The following CCDC138 variants were observed in gnomAD, a reference collection of about 807,000 sequenced individuals.
CCDC138 encodes coiled-coil domain containing 138, also known as coiled-coil domain-containing protein 138.
Under a neutral mutation model 82.3 loss-of-function variants are expected in CCDC138, and 66 were observed. The observed-to-expected ratio is 0.80, with a 90% CI of 0.66 to 0.98. The LOEUF (loss-of-function observed/expected upper bound fraction) is 0.98. Among genes scored for constraint, CCDC138 ranks in the 50% least tolerant of loss-of-function variants. CCDC138 has a pLI of 0.00. For synonymous variants in CCDC138, 297 were observed against 265.4 expected (o/e 1.12, Z -1.16); for missense variants, 816 against 758.9 (o/e 1.08, Z -0.88).
intron 4 of CCDC138, 84 bp downstream of exon 4, chr2:108,791,886 T>A (rs1185027355): frequency 2.3e-6 from 3 of 1,332,012 alleles, no homozygotes; most frequent in Non-Finnish European, 2.0e-6. Context: ...GTAATAACAC[T>A]GGCCCCCAAG....
intron 10 of CCDC138, among the ~76,000 whole-genome samples, chr2:108,824,653 G>A (rs1262047371): frequency 2.0e-5 from 3 of 152,076 alleles, no homozygotes; most frequent in African/African-American, 7.2e-5. Flanking sequence ...AAAAAGTATA[G>A]TGTAGCAAAT....
chr2:108,823,979 GAA>G (rs902158794), intron 10 of CCDC138, among the ~76,000 whole-genome samples: 5 of 146,828 alleles, frequency 3.4e-5, no homozygotes, highest in Admixed American at 2.7e-4. Flanking sequence ...TGTCTCAAAA[GAA>G]AAAAAAGGGA....
At chr2:108,864,773 GAC>G (rs1694158125) in intron 13 of CCDC138, among the ~76,000 whole-genome samples, 1 of 139,110 alleles carries the variant, frequency 7.2e-6, no homozygotes, top group African/African-American at 2.6e-5. Flanking sequence ...CAGCCTGGGC[GAC>G]AGAGCGAGAC....
chr2:108,792,996 G>A (rs148871245), intron 4 of CCDC138, among the ~76,000 whole-genome samples: 151 of 151,714 alleles, frequency 1.0e-3, no homozygotes, highest in African/African-American at 3.5e-3. Flanking sequence ...CCCGGGAAGC[G>A]GAGGTTGCAG....
chr2:108,817,700 A>G (rs1685033262), intron 10 of CCDC138, among the ~76,000 whole-genome samples: 1 of 152,202 alleles, frequency 6.6e-6, no homozygotes, highest in Admixed American at 6.5e-5. Flanking sequence ...CAACTTGAAT[A>G]AGCAAGGAAA....
At chr2:108,879,905 A>G (rs547288700), downstream of CCDC138, among the ~76,000 whole-genome samples, 34 of 152,274 alleles carry the variant, frequency 2.2e-4, 1 homozygote, top group Admixed American at 7.2e-4. Context: ...TTTCTAGAGT[A>G]AACAATGTAA....
chr2:108,804,912 C>G lies in CCDC138; in HGVS notation c.759C>G (p.His253Gln). The change falls in exon 7 of 15, where the codon CAC (histidine) becomes CAG (glutamine). Residue 253 changes from histidine (H) to glutamine (Q), a missense_variant. His to Gln is a conservative substitution (Grantham distance 24). Transcript: ENST00000295124. ...IKEQHDAEVEHLTEVLKEKNK... is the reference protein window; with the variant it reads ...IKEQHDAEVEQLTEVLKEKNK... Reference sequence around the variant, plus strand: ...AGCAGCATGATGCAGAAGTTGAACACTTAACCGAAGTTCTTAAGGAAAAGA... The same window carrying G: ...AGCAGCATGATGCAGAAGTTGAACAGTTAACCGAAGTTCTTAAGGAAAAGA... 6.4e-7 allele frequency: 1 copy of G among 1,558,126 alleles called. No homozygotes were observed. Among genetic ancestry groups the G allele is most frequent in the Non-Finnish European group, 8.6e-7 (1 of 1,159,220 alleles).
Position 108,876,216 on chromosome 2 carries a change from C to T in CCDC138, c.1961C>T (p.Thr654Ile). 6.2e-7 allele frequency: 1 copy of T among 1,612,812 alleles called. No homozygotes were observed. The highest frequency in any genetic ancestry group is 1.1e-5 in the South Asian group (1 of 90,866). The stretch of plus-strand genomic sequence containing the variant: ...TCAACTCTGTTCAATCTGGGTTTAA[C>T]AAAATGTAACTCCCTGGTCTCCAGT... ...LNSTLFNLGL[T>I]KCNSLVSSAS... The change falls in exon 15 of 15, where the codon ACA (threonine) becomes ATA (isoleucine). Residue 654 changes from threonine (T) to isoleucine (I), a missense_variant. Physicochemically the swap from Thr to Ile is moderately conservative, Grantham distance 89 (BLOSUM62 -1). Transcript: ENST00000295124.
At chr2:108,811,047 G>GT (rs1349328127) in intron 7 of CCDC138, among the ~76,000 whole-genome samples, 1 of 150,704 alleles carries the variant, frequency 6.6e-6, no homozygotes, top group Non-Finnish European at 1.5e-5. Flanking sequence ...CTCCCTTTTT[G>GT]TTTCCGATTT....
intron 13 of CCDC138, among the ~76,000 whole-genome samples, chr2:108,863,586 T>G (rs750659364): frequency 9.9e-5 from 15 of 152,224 alleles, no homozygotes; most frequent in South Asian, 2.1e-4. Flanking sequence ...CTAGATCTTT[T>G]TCTTTCTATT....
chr2:108,882,483 AT>A (rs1345193692), intron 1 of CCDC138: 5 of 152,188 alleles, frequency 3.3e-5, no homozygotes, highest in African/African-American at 9.7e-5. Flanking sequence ...AGGGTTTGGA[AT>A]TCTCTAAAAG....
At chr2:108,799,818 T>C (rs1573958446) in intron 6 of CCDC138, among the ~76,000 whole-genome samples, 1 of 152,296 alleles carries the variant, frequency 6.6e-6, no homozygotes, top group East Asian at 1.9e-4. Context: ...CCCATTATTT[T>C]CTTCAGTGTT....
At position 108,821,558 on chromosome 2, in the gene CCDC138, CA is replaced by C. The variant is rs1685706534; in HGVS notation, c.1206+5458del. On this transcript the variant is annotated intron_variant, in intron 10 of 14. Coordinates refer to ENST00000295124, the MANE Select transcript of CCDC138 (RefSeq NM_144978.3). ...AGGGAATCTAAGTGTGTAACACACA[CA>C]AAAATCAGTGAAACCCAAAGGCAGT... 2.6e-5 allele frequency among the ~76,000 whole-genome samples: 4 copies of C among 151,776 alleles called. No individual in the cohort carries two copies. In the South Asian group the frequency reaches 8.3e-4, roughly 32 times the overall value.
At chr2:108,807,219 C>G (rs1683019571) in intron 7 of CCDC138, among the ~76,000 whole-genome samples, 1 of 151,980 alleles carries the variant, frequency 6.6e-6, no homozygotes, top group African/African-American at 2.4e-5. Context: ...TTAATATGTT[C>G]AAGAAAGTAG....
downstream of CCDC138, among the ~76,000 whole-genome samples, chr2:108,880,160 T>A (rs1001250047): frequency 7.3e-5 from 10 of 137,796 alleles, no homozygotes; most frequent in African/African-American, 2.9e-4. Flanking sequence ...GAAAAGATAA[T>A]AAAATTAATA....
chr2:108,874,429 G>A (rs932685844), intron 14 of CCDC138, among the ~76,000 whole-genome samples: 7 of 152,056 alleles, frequency 4.6e-5, no homozygotes, highest in South Asian at 2.1e-4. Context: ...TGTATTTTCC[G>A]TGATTCTTGG....
At chr2:108,833,726 C>CTT (rs35850089) in intron 10 of CCDC138, among the ~76,000 whole-genome samples, 2 of 91,024 alleles carry the variant, frequency 2.2e-5, no homozygotes, top group African/African-American at 8.2e-5. Flanking sequence ...GTGGAGTAAA[C>CTT]TTTTTTTTTT....
intron 13 of CCDC138, among the ~76,000 whole-genome samples, chr2:108,861,971 T>C (rs1305872955): frequency 1.3e-5 from 2 of 152,108 alleles, no homozygotes; most frequent in Admixed American, 6.5e-5. Context: ...CATTCGGGAG[T>C]AAATTCTTTA....
chr2:108,874,550 T>TC (rs1695740797), intron 14 of CCDC138, among the ~76,000 whole-genome samples: 1 of 152,242 alleles, frequency 6.6e-6, no homozygotes, highest in Non-Finnish European at 1.5e-5. Context: ...CCTCCTGGCC[T>TC]CATCCCCTCA....
Sources: allele counts gnomAD v4.1 joint callset (sites outside exome capture counted in the v4.1 genomes callset), GRCh38; gene constraint gnomAD v4.1.1; transcripts MANE v1.5; gene names NCBI Gene and HGNC (gene_info 2026-07-23, HGNC 2026-07-21).